PPIL2: variants seen among roughly 807,000 people sequenced by gnomAD.
The protein encoded by PPIL2 is peptidylprolyl isomerase like 2, also known as RING-type E3 ubiquitin-protein ligase PPIL2.
PPIL2 carries 50 observed loss-of-function variants against 75.2 expected under a neutral mutation model. That is an observed-to-expected ratio of 0.66 (90% CI 0.53 to 0.84). PPIL2 has a LOEUF of 0.84. Among genes scored for constraint, PPIL2 ranks in the 40% least tolerant of loss-of-function variants. PPIL2 has a pLI of 0.00. For synonymous variants in PPIL2, 245 were observed against 258.8 expected (o/e 0.95, Z 0.51); for missense variants, 590 against 685.0 (o/e 0.86, Z 1.55).
chr22:21,683,169 C>T lies in PPIL2; in HGVS notation c.478-13C>T. 1 of 1,608,780 alleles carries T rather than the reference C, an allele frequency of 6.2e-7. No homozygotes were observed. The highest frequency in any genetic ancestry group is 1.1e-5 in the South Asian group (1 of 90,968). ...CTGGGTTCACTCTGCTGGGCATTCT[C>T]TTTTTGCCACAGGACCCCACCAATT... On this transcript the variant is annotated splice_polypyrimidine_tract_variant and intron_variant, in intron 8 of 19. Transcript: ENST00000398831.
chr22:21,699,803 C>T (rs1238479249), downstream of PPIL2: 1 of 152,636 alleles, frequency 6.6e-6, no homozygotes, highest in Admixed American at 6.5e-5. Flanking sequence ...CAGTGTGTTA[C>T]TCTATAGACA....
rs1159720702 is a variant in PPIL2, at chr22:21,681,385, T to C, written c.382T>C (p.Tyr128His). The change falls in exon 7 of 20, where the codon TAT becomes CAT. Residue 128 changes from tyrosine (Y) to histidine (H), a missense_variant. By Grantham distance (83) the Tyr-to-His change is moderately conservative. Coordinates refer to ENST00000398831, the MANE Select transcript of PPIL2 (RefSeq NM_014337.4). The part of the protein sequence containing the change: ...AVRTTGNVYA[Y>H]EAVEQLNIKA... ...GAGGACGACCGGCAACGTCTACGCC[T>C]ATGAGGTGTGTCCTCGCTCCGGGGC... The C allele has an allele frequency of 2.5e-6, 4 of 1,612,442 alleles. No individual in the cohort carries two copies. The highest frequency in any genetic ancestry group is 1.3e-5 in the African/African-American group (1 of 74,894).
rs2067947376 is a variant in PPIL2 at position 21,696,696 on chromosome 22, C to G, written c.*1206C>G. On this transcript the variant is annotated 3_prime_UTR_variant, in exon 20 of 20. Transcript: ENST00000398831. The stretch of plus-strand genomic sequence containing the variant: ...TCTTCACACTAAGCCCTAACTTAGG[C>G]CTTGTTCTTGGTTTTCTCATTTTTG... 2.6e-6 allele frequency: 4 copies of G among 1,534,688 alleles called. No individual in the cohort carries two copies. The South Asian group carries it at 4.8e-5, about 18-fold the overall frequency.
At position 21,695,610 on chromosome 22, in the gene PPIL2, T is replaced by A; in HGVS notation, c.*120T>A. The A allele has an allele frequency of 6.6e-7, 1 of 1,504,184 alleles. No individual in the cohort carries two copies. Among genetic ancestry groups the A allele is most frequent in the Non-Finnish European group, 8.9e-7 (1 of 1,123,398 alleles). 93.2% of individuals were successfully genotyped at this position (1,504,184 alleles called of 1,614,324 possible). A position where few individuals can be genotyped will look rare whatever the true frequency, so the allele number is the denominator to read the frequency against. On this transcript the variant is annotated 3_prime_UTR_variant, in exon 20 of 20. Coordinates refer to ENST00000398831, the MANE Select transcript of PPIL2 (RefSeq NM_014337.4). The stretch of plus-strand genomic sequence containing the variant: ...GCCAGCCAATAAATTGCTTGCCTGC[T>A]GCCTGCATCCCCTTTCCTGGCCCCT...
At chr22:21,667,009 G>A (rs2148490766) in intron 1 of PPIL2, among the ~76,000 whole-genome samples, 1 of 151,728 alleles carries the variant, frequency 6.6e-6, no homozygotes, top group East Asian at 1.9e-4. Context: ...ATGTCACACC[G>A]TTGACCACTC....
chr22:21,671,209 C>A, intron 4 of PPIL2, 150 bp downstream of exon 4: 1 of 828,064 alleles, frequency 1.2e-6, no homozygotes, highest in Non-Finnish European at 2.1e-6. Context: ...CTGCTGTGAC[C>A]CTTGGGCAGG....
At chr22:21,673,218 C>T (rs947845754) in intron 5 of PPIL2, among the ~76,000 whole-genome samples, 23 of 152,210 alleles carry the variant, frequency 1.5e-4, no homozygotes, top group African/African-American at 5.5e-4. Context: ...CACTTGAAGA[C>T]TGTTTCTGTG....
intron 1 of PPIL2, 60 bp downstream of exon 1, chr22:21,666,191 G>GCACTGCGCGCCGCTCGCCTTCCCT: frequency 1.3e-6 from 2 of 1,541,706 alleles, no homozygotes; most frequent in Non-Finnish European, 1.8e-6. Context: ...CGCCTGTCCC[G>GCACTGCGCGCCGCTCGCCTTCCCT]CACTGCGCGC....
intron 9 of PPIL2, among the ~76,000 whole-genome samples, chr22:21,684,051 T>C (rs1351735529): frequency 1.3e-5 from 2 of 150,170 alleles, no homozygotes; most frequent in African/African-American, 2.5e-5. Context: ...CTACAAAAAA[T>C]AGAAAAATTA....
In PPIL2 at chr22:21,666,149, C is replaced by T. The variant is rs1425997397; in HGVS notation, c.32+18C>T. ...GACAAAATGTAAGTTGAGCCGCAGT[C>T]GGGAGCGGCGCTCCACTCTGCCTCA... On this transcript the variant is annotated intron_variant, in intron 1 of 19. Transcript: ENST00000398831. 3 of 1,608,394 alleles carry T rather than the reference C, an allele frequency of 1.9e-6. No individual in the cohort carries two copies. The African/African-American group carries it at 4.0e-5, about 21-fold the overall frequency.
rs756310707 is a variant in PPIL2, at chr22:21,694,585, T to A, written c.1197-8T>A. The A allele has an allele frequency of 1.2e-6, 2 of 1,614,036 alleles. No homozygotes were observed. The highest frequency in any genetic ancestry group is 2.2e-5 in the South Asian group (2 of 91,074). On this transcript the variant is annotated splice_polypyrimidine_tract_variant and splice_region_variant and intron_variant, in intron 16 of 19. Transcript: ENST00000398831. Reference sequence around the variant, plus strand: ...ACACGCAGACCCACCTCTGTCTCCCTGCTGCAGGGTTGTTGGGGGCTTTGA... The same window carrying A: ...ACACGCAGACCCACCTCTGTCTCCCAGCTGCAGGGTTGTTGGGGGCTTTGA...
At chr22:21,669,133 G>A (rs936410112) in intron 1 of PPIL2, among the ~76,000 whole-genome samples, 6 of 151,890 alleles carry the variant, frequency 4.0e-5, no homozygotes, top group Admixed American at 2.6e-4. Flanking sequence ...ATAGGCGTGA[G>A]CCACCTTGCC....
Position 21,694,946 on chromosome 22 carries a change from G to T in PPIL2, c.1342G>T (p.Glu448Ter). The change falls in exon 19 of 20, where the codon GAG becomes TAG. Residue 448 changes from glutamate (E) to a stop codon, truncating the protein, a stop_gained. Coordinates refer to ENST00000398831, the MANE Select transcript of PPIL2 (RefSeq NM_014337.4). LOFTEE classifies it high-confidence loss of function. ...CCCTGTTGTGCCACAGATTGCGCAG[G>T]AGCGGAAGACACAGCTCAAGGTAGC... Reference protein sequence around the residue: ...YEEADAQIAQERKTQLKVAPE... With the variant: ...YEEADAQIAQ The T allele has an allele frequency of 6.2e-7, 1 of 1,613,718 alleles. No homozygotes were observed. Among genetic ancestry groups the T allele is most frequent in the Non-Finnish European group, 8.5e-7 (1 of 1,179,894 alleles).
chr22:21,694,142 C>A (rs2067805605), intron 16 of PPIL2, among the ~76,000 whole-genome samples: 1 of 152,220 alleles, frequency 6.6e-6, no homozygotes, highest in African/African-American at 2.4e-5. Flanking sequence ...TGGCGCGCCA[C>A]TCGCAAGCCT....
downstream of PPIL2, chr22:21,697,964 T>TAAAA (rs901035570): frequency 1.3e-5 from 2 of 152,288 alleles, no homozygotes; most frequent in African/African-American, 4.8e-5. Flanking sequence ...CATTAAGGTA[T>TAAAA]AAAAAATACT....
At chr22:21,674,138 G>A (rs1247224236) in intron 5 of PPIL2, among the ~76,000 whole-genome samples, 1 of 152,148 alleles carries the variant, frequency 6.6e-6, no homozygotes, top group Admixed American at 6.5e-5. Context: ...GCATAGCTGG[G>A]CCCAGCCCAC....
chr22:21,694,224 G>A (rs929010827), intron 16 of PPIL2, among the ~76,000 whole-genome samples: 10 of 152,158 alleles, frequency 6.6e-5, no homozygotes, highest in Non-Finnish European at 1.0e-4. Context: ...GGTCTCTGAC[G>A]CCCACCCAGC....
In PPIL2 at chr22:21,682,652, A is replaced by G. The variant is rs1353955721; in HGVS notation, c.477+126A>G. 21 of 550,482 alleles carry G rather than the reference A, an allele frequency of 3.8e-5. 1 individual carries two copies. Among genetic ancestry groups the G allele is most frequent in the East Asian group, 3.7e-4 (9 of 24,420 alleles). 34.1% of individuals were successfully genotyped at this position (550,482 alleles called of 1,614,324 possible). A position where few individuals can be genotyped will look rare whatever the true frequency, so the allele number is the denominator to read the frequency against. ...TCCTCAAAGCCACCTGAGGCATCTG[A>G]ATAGCCACTCTGCAGGCCTGGCTCT... On this transcript the variant is annotated intron_variant, in intron 8 of 19. Coordinates refer to ENST00000398831, the MANE Select transcript of PPIL2 (RefSeq NM_014337.4).
At chr22:21,677,224 G>C (rs1221385635) in intron 6 of PPIL2, among the ~76,000 whole-genome samples, 1 of 123,508 alleles carries the variant, frequency 8.1e-6, no homozygotes, top group Non-Finnish European at 1.7e-5. Context: ...GTTGCAGCCA[G>C]GCAGAGGCGC....
Sources: gnomAD v4.1 joint callset for allele counts (sites outside exome capture counted in the v4.1 genomes callset) on GRCh38, gnomAD v4.1.1 for gene constraint, MANE v1.5 for transcripts, NCBI Gene and HGNC (gene_info 2026-07-23, HGNC 2026-07-21) for gene names.